MVB12B: variants seen among roughly 807,000 people sequenced by gnomAD.
MVB12B encodes the protein ESCRT-I complex subunit MVB12B.
A neutral mutation model predicts 41.6 loss-of-function variants in MVB12B; 16 were observed. The ratio of observed to expected loss-of-function variants is 0.38; its 90% confidence interval spans 0.26 to 0.58. The LOEUF (loss-of-function observed/expected upper bound fraction) is 0.58, where lower values mean the gene tolerates loss of function less well. Among genes scored for constraint, MVB12B ranks in the 20% least tolerant of loss-of-function variants. The probability of loss-of-function intolerance (pLI) is 0.62; values close to 1 mark genes in which losing one functional copy is unlikely to be tolerated. For synonymous variants in MVB12B, 133 were observed against 139.7 expected (o/e 0.95, Z 0.34); for missense variants, 274 against 380.2 (o/e 0.72, Z 2.32).
intron 2 of MVB12B, among the ~76,000 whole-genome samples, chr9:126,362,895 A>G (rs1830063487): frequency 6.6e-6 from 1 of 152,176 alleles, no homozygotes; most frequent in Non-Finnish European, 1.5e-5. Flanking sequence ...ATAAAGGAAA[A>G]TTAATTTTTG....
chr9:126,377,599 T>C (rs4837071), intron 2 of MVB12B, among the ~76,000 whole-genome samples: 1,632 of 152,240 alleles, frequency 0.011, 49 homozygotes, highest in East Asian at 0.067. Context: ...GTTCATTTAT[T>C]CTTTCAACAA....
intron 7 of MVB12B, among the ~76,000 whole-genome samples, chr9:126,431,631 T>C (rs4837083): frequency 0.13 from 19,626 of 152,196 alleles, 1,704 homozygotes; most frequent in East Asian, 0.4. Flanking sequence ...TTTTTAAGCA[T>C]GGCAGAGCTT....
intron 7 of MVB12B, among the ~76,000 whole-genome samples, chr9:126,450,281 C>G (rs1832865594): frequency 6.6e-6 from 1 of 152,220 alleles, no homozygotes; most frequent in Non-Finnish European, 1.5e-5. Context: ...ATTAGTCAGC[C>G]TAATGGATGG....
chr9:126,502,544 A>T (rs10116709), intron 9 of MVB12B, among the ~76,000 whole-genome samples: 4,383 of 146,778 alleles, frequency 0.03, 190 homozygotes, highest in African/African-American at 0.11. Flanking sequence ...AGGTCCCCCC[A>T]CCGGGCAGCT....
chr9:126,499,431 AT>A (rs1008446089), intron 9 of MVB12B, among the ~76,000 whole-genome samples: 1 of 152,142 alleles, frequency 6.6e-6, no homozygotes, highest in East Asian at 1.9e-4. Context: ...TTAATTGAAA[AT>A]TTTTTTAATT....
Position 126,502,274 on chromosome 9 carries a change from A to G in MVB12B, c.874-903A>G, listed in dbSNP as rs575188645. Reference sequence around the variant, plus strand: ...TGTCCGGCCAGGCAGCTGCCAGCCCATTTCTGTGGCTGGGGTGCCCCGTGC... The same window carrying G: ...TGTCCGGCCAGGCAGCTGCCAGCCCGTTTCTGTGGCTGGGGTGCCCCGTGC... On this transcript the variant is annotated intron_variant, in intron 9 of 9. Coordinates refer to ENST00000361171, the MANE Select transcript of MVB12B (RefSeq NM_033446.3). Among the ~76,000 whole-genome samples the G allele has an allele frequency of 9.3e-4, 140 of 150,226 alleles. 1 individual carries two copies. Among genetic ancestry groups the G allele is most frequent in the African/African-American group, 3.1e-3 (128 of 40,706 alleles).
chr9:126,466,727 TA>T (rs1450081544), intron 7 of MVB12B, among the ~76,000 whole-genome samples: 13 of 152,296 alleles, frequency 8.5e-5, no homozygotes, highest in African/African-American at 2.9e-4. Context: ...TATAATTAAG[TA>T]ACTCTGGTGT....
chr9:126,465,520 C>A (rs552868154), intron 7 of MVB12B, among the ~76,000 whole-genome samples: 1 of 152,244 alleles, frequency 6.6e-6, no homozygotes, highest in Middle Eastern at 3.4e-3. Context: ...AAGCTGGGCC[C>A]CCTGATGCCA....
chr9:126,349,818 C>T (rs1829698776), intron 2 of MVB12B, among the ~76,000 whole-genome samples: 1 of 152,192 alleles, frequency 6.6e-6, no homozygotes, highest in Non-Finnish European at 1.5e-5. Context: ...GCTATAAATA[C>T]TCAGGTGAAG....
intron 1 of MVB12B, among the ~76,000 whole-genome samples, chr9:126,329,214 G>C (rs533563602): frequency 1.9e-4 from 29 of 152,326 alleles, no homozygotes; most frequent in African/African-American, 6.3e-4. Flanking sequence ...GGGAGTCACA[G>C]AACCTTTCTG....
chr9:126,397,156 T>G, intron 6 of MVB12B: 3 of 985,530 alleles, frequency 3.0e-6, no homozygotes, highest in African/African-American at 3.5e-5. Flanking sequence ...CAGGAGCAGT[T>G]GCCCTGAAGT....
chr9:126,501,259 C>T (rs1339637399), intron 9 of MVB12B, among the ~76,000 whole-genome samples: 3 of 152,198 alleles, frequency 2.0e-5, no homozygotes, highest in East Asian at 1.9e-4. Flanking sequence ...TGCTAGGGCG[C>T]GGCGGGCCCT....
intron 2 of MVB12B, among the ~76,000 whole-genome samples, chr9:126,350,250 G>A (rs1829711275): frequency 6.6e-6 from 1 of 152,056 alleles, no homozygotes; most frequent in Non-Finnish European, 1.5e-5. Context: ...TCCTTTGTTG[G>A]ATATGTGGTT....
chr9:126,499,042 C>T (rs1316965847), intron 9 of MVB12B, among the ~76,000 whole-genome samples: 2 of 152,222 alleles, frequency 1.3e-5, no homozygotes, highest in Non-Finnish European at 2.9e-5. Flanking sequence ...CACTTGCACA[C>T]GAATCGTCCT....
At chr9:126,450,210 C>G (rs538481612) in intron 7 of MVB12B, among the ~76,000 whole-genome samples, 17 of 152,316 alleles carry the variant, frequency 1.1e-4, no homozygotes, top group Middle Eastern at 6.8e-3. Context: ...GAGCCCCTGG[C>G]CCTCCCTGGG....
intron 1 of MVB12B, among the ~76,000 whole-genome samples, chr9:126,337,285 T>G (rs900663603): frequency 6.6e-6 from 1 of 152,076 alleles, no homozygotes; most frequent in African/African-American, 2.4e-5. Flanking sequence ...GGTGCTTGGA[T>G]CTCCCTCATT....
At chr9:126,353,093 G>T (rs1829796174) in intron 2 of MVB12B, among the ~76,000 whole-genome samples, 1 of 152,114 alleles carries the variant, frequency 6.6e-6, no homozygotes, top group South Asian at 2.1e-4. Context: ...AGTATTGAAA[G>T]GTGGAGACTA....
At chr9:126,433,566 G>A (rs566997889) in intron 7 of MVB12B, among the ~76,000 whole-genome samples, 1 of 152,134 alleles carries the variant, frequency 6.6e-6, no homozygotes, top group Non-Finnish European at 1.5e-5. Context: ...GTGAGTCCCT[G>A]TACCCTGCCC....
intron 7 of MVB12B, among the ~76,000 whole-genome samples, chr9:126,430,699 C>T (rs1354391722): frequency 6.6e-6 from 1 of 151,578 alleles, no homozygotes; most frequent in Non-Finnish European, 1.5e-5. Flanking sequence ...GAGGGCAAGC[C>T]TGCTGCCCTG....
Sources: allele counts gnomAD v4.1 joint callset (sites outside exome capture counted in the v4.1 genomes callset), GRCh38; gene constraint gnomAD v4.1.1; transcripts MANE v1.5; gene names NCBI Gene and HGNC (gene_info 2026-07-23, HGNC 2026-07-21).